Variants in RNF150 observed in about 807,000 individuals in gnomAD.
The protein encoded by RNF150 is ring finger protein 150.
Under a neutral mutation model 39.3 loss-of-function variants are expected in RNF150, and 24 were observed. That is an observed-to-expected ratio of 0.61 (90% CI 0.44 to 0.86). The LOEUF is 0.86. Among genes scored for constraint, RNF150 ranks in the 40% least tolerant of loss-of-function variants. The probability of loss-of-function intolerance (pLI) is 0.00; values close to 1 mark genes in which losing one functional copy is unlikely to be tolerated. For missense variants in RNF150, 502 were observed against 587.8 expected, an observed-to-expected ratio of 0.85 and a Z score of 1.51; for synonymous variants, 255 against 227.3, an observed-to-expected ratio of 1.12 and a Z score of -1.10.
intron 1 of RNF150, among the ~76,000 whole-genome samples, chr4:141,006,225 T>C (rs545960856): frequency 0.011 from 476 of 41,798 alleles, 2 homozygotes; most frequent in African/African-American, 0.019. Context: ...TATATACACA[T>C]ATATATGTGT....
chr4:141,055,100 T>G (rs1736918525), intron 1 of RNF150, among the ~76,000 whole-genome samples: 2 of 152,188 alleles, frequency 1.3e-5, no homozygotes, highest in Non-Finnish European at 2.9e-5. Flanking sequence ...TAGTGGTATG[T>G]CTTGATAAAG....
intron 1 of RNF150, among the ~76,000 whole-genome samples, chr4:141,159,549 T>C (rs1727476212): frequency 6.6e-6 from 1 of 151,964 alleles, no homozygotes; most frequent in African/African-American, 2.4e-5. Flanking sequence ...TTGTTTTTTG[T>C]TTTTTGTTTT....
chr4:140,868,172 GGT>G lies in RNF150; in HGVS notation c.*87_*88del, dbSNP rs1728787400. ...CCTGGAGTTGCCAAGGTGATCTGGA[GGT>G]GTGTGTGTGCCTGGTCCAAGTCTTG... is the stretch of plus-strand genomic sequence containing the variant. On this transcript the variant is annotated 3_prime_UTR_variant, in exon 7 of 7. Coordinates refer to ENST00000515673, the MANE Select transcript of RNF150 (RefSeq NM_020724.2). 7.8e-6 allele frequency: 6 copies of G among 767,232 alleles called. No individual in the cohort carries two copies. The highest frequency in any genetic ancestry group is 1.6e-5 in the South Asian group (1 of 64,508). 47.5% of individuals were successfully genotyped at this position (767,232 alleles called of 1,614,324 possible).
chr4:140,944,095 T>G (rs949548793), intron 4 of RNF150, among the ~76,000 whole-genome samples: 1 of 152,118 alleles, frequency 6.6e-6, no homozygotes, highest in Non-Finnish European at 1.5e-5. Flanking sequence ...TGAAGAACAG[T>G]AGGGACACCA....
chr4:141,177,989 T>A (rs1287772168), intron 1 of RNF150, among the ~76,000 whole-genome samples: 1 of 152,104 alleles, frequency 6.6e-6, no homozygotes, highest in Non-Finnish European at 1.5e-5. Flanking sequence ...GAAATTAAAC[T>A]CCAATATTGT....
rs61134992 is a variant in RNF150, at chr4:141,184,867, CTGTG to C, written c.-6+27923_-6+27926del. 6.1e-5 allele frequency among the ~76,000 whole-genome samples: 9 copies of C among 148,090 alleles called. No individual in the cohort carries two copies. The East Asian group carries it at 1.0e-3, about 16-fold the overall frequency. ...TGTTTTGTTCCATTGGTCTATATATCTGTGTGTGTGTGTGTGTGTGTGTGTGAGT... is the reference window on the plus strand; with the variant it reads ...TGTTTTGTTCCATTGGTCTATATATCTGTGTGTGTGTGTGTGTGTGTGAGT... On this transcript the variant is annotated intron_variant, in intron 1 of 7. Coordinates refer to the RNF150 transcript ENST00000420921.
chr4:140,919,696 C>A (rs1731019993), intron 5 of RNF150, among the ~76,000 whole-genome samples: 1 of 151,392 alleles, frequency 6.6e-6, no homozygotes, highest in South Asian at 2.1e-4. Context: ...CCTTAAAGTT[C>A]ATATGGAACC....
At chr4:141,162,204 C>T (rs1727525709) in intron 1 of RNF150, among the ~76,000 whole-genome samples, 1 of 152,222 alleles carries the variant, frequency 6.6e-6, no homozygotes, top group Admixed American at 6.5e-5. Flanking sequence ...GGAGCCCACT[C>T]CCTGCATCAG....
intron 1 of RNF150, among the ~76,000 whole-genome samples, chr4:141,015,910 T>C (rs945089142): frequency 4.0e-5 from 6 of 151,880 alleles, no homozygotes; most frequent in African/African-American, 1.5e-4. Flanking sequence ...ATTTTTTGCC[T>C]GCGGATCATT....
intron 1 of RNF150, among the ~76,000 whole-genome samples, chr4:141,121,932 G>A (rs1311374546): frequency 6.6e-6 from 1 of 152,064 alleles, no homozygotes. Context: ...AACATATGGG[G>A]AGTCCCCTCC....
intron 1 of RNF150, among the ~76,000 whole-genome samples, chr4:141,164,991 A>T (rs186907709): frequency 2.0e-5 from 3 of 152,322 alleles, no homozygotes; most frequent in African/African-American, 7.2e-5. Context: ...CAATTAAAAG[A>T]CACAGACGGG....
At position 140,967,880 on chromosome 4, in the gene RNF150, T is replaced by G; in HGVS notation, c.485-7A>C. ...GCCACGATGTCTTCTACACCTGTGG[T>G]AAGAGGGGAAGGAAGGGGCAATAAA... On this transcript the variant is annotated splice_polypyrimidine_tract_variant and splice_region_variant and intron_variant, in intron 1 of 6. Coordinates refer to ENST00000515673, the MANE Select transcript of RNF150 (RefSeq NM_020724.2). 6.2e-7 allele frequency: 1 copy of G among 1,611,778 alleles called. No individual in the cohort carries two copies. Among genetic ancestry groups the G allele is most frequent in the South Asian group, 1.1e-5 (1 of 90,986 alleles).
intron 1 of RNF150, among the ~76,000 whole-genome samples, chr4:141,152,455 G>T (rs1727318546): frequency 6.6e-6 from 1 of 152,090 alleles, no homozygotes; most frequent in Non-Finnish European, 1.5e-5. Context: ...ACATGACTTT[G>T]TTACTTTAAT....
intron 1 of RNF150, among the ~76,000 whole-genome samples, chr4:141,086,874 GA>G (rs1048136626): frequency 1.8e-4 from 28 of 152,104 alleles, no homozygotes; most frequent in African/African-American, 6.7e-4. Flanking sequence ...GGTACTTCAG[GA>G]AACCTTTCCT....
At chr4:141,059,864 T>A (rs1737142132) in intron 1 of RNF150, among the ~76,000 whole-genome samples, 1 of 152,244 alleles carries the variant, frequency 6.6e-6, no homozygotes, top group East Asian at 1.9e-4. Context: ...AGAGAACTAT[T>A]TGATTAAAAT....
upstream of RNF150, among the ~76,000 whole-genome samples, chr4:141,137,543 A>C (rs1276984385): frequency 6.6e-6 from 1 of 152,206 alleles, no homozygotes; most frequent in Non-Finnish European, 1.5e-5. Flanking sequence ...AGAATGGAGG[A>C]ATAGTCATTT....
rs1210558762 is a variant in RNF150, at chr4:141,133,065, G to C, written c.-257C>G. 2.5e-6 allele frequency: 1 copy of C among 403,288 alleles called. No homozygotes were observed. The highest frequency in any genetic ancestry group is 2.2e-5 in the African/African-American group (1 of 45,982). 25.0% of individuals were successfully genotyped at this position (403,288 alleles called of 1,614,324 possible). On this transcript the variant is annotated 5_prime_UTR_variant, in exon 1 of 7. Coordinates refer to ENST00000515673, the MANE Select transcript of RNF150 (RefSeq NM_020724.2). ...TGGGCGCCCGGGGGGCGCGGGAACA[G>C]AGGGCCCGCGGGGCTTGCGGAGGAG...
At chr4:140,949,271 C>T in intron 3 of RNF150, 30 bp downstream of exon 3, 1 of 1,572,976 alleles carries the variant, frequency 6.4e-7, no homozygotes, top group Non-Finnish European at 8.7e-7. Flanking sequence ...TGAATAGCTC[C>T]TCACCAAAAA....
At chr4:140,910,945 C>T in intron 6 of RNF150, 199 bp downstream of exon 6, 2 of 601,948 alleles carry the variant, frequency 3.3e-6, no homozygotes, top group South Asian at 4.0e-5. Context: ...GGAGCATGGG[C>T]ACACAGAGCC....
Sources: allele counts gnomAD v4.1 joint callset (sites outside exome capture counted in the v4.1 genomes callset), GRCh38; gene constraint gnomAD v4.1.1; transcripts MANE v1.5; gene names NCBI Gene and HGNC (gene_info 2026-07-23, HGNC 2026-07-21).